Variants in ZNF624 observed in about 807,000 individuals in gnomAD.
ZNF624 encodes zinc finger protein 624.
A neutral mutation model predicts 74.7 loss-of-function variants in ZNF624; 43 were observed. That is an observed-to-expected ratio of 0.58 (90% CI 0.45 to 0.74). ZNF624 has a LOEUF of 0.74. Among genes scored for constraint, ZNF624 ranks in the 30% least tolerant of loss-of-function variants. The pLI is 0.00. For missense variants in ZNF624, 820 were observed against 1,030.0 expected (o/e 0.80, Z 2.79); for synonymous variants, 331 against 341.3 (o/e 0.97, Z 0.33).
At chr17:16,650,358 A>T (rs980058708) in intron 1 of ZNF624, among the ~76,000 whole-genome samples, 1 of 151,994 alleles carries the variant, frequency 6.6e-6, no homozygotes, top group East Asian at 1.9e-4. Context: ...CTGATATTCA[A>T]ATAGATCTTT....
At chr17:16,617,002 C>G, downstream of ZNF624, 2 of 1,607,226 alleles carry the variant, frequency 1.2e-6, no homozygotes, top group Non-Finnish European at 8.5e-7. Flanking sequence ...GCTCCTTGAT[C>G]TGGATTTTGA....
At chr17:16,638,209 AAAC>A (rs1218450219) in intron 3 of ZNF624, among the ~76,000 whole-genome samples, 2 of 152,190 alleles carry the variant, frequency 1.3e-5, no homozygotes, top group Non-Finnish European at 2.9e-5. Context: ...AAAAGTCAGG[AAAC>A]AACAGGTGCT....
chr17:16,617,906 G>C, downstream of ZNF624: 1 of 1,478,928 alleles, frequency 6.8e-7, no homozygotes, highest in Admixed American at 1.9e-5. Flanking sequence ...GGGGCCCAAG[G>C]GCTGGTTGTG....
At chr17:16,637,521 A>G (rs1909362570) in intron 3 of ZNF624, among the ~76,000 whole-genome samples, 1 of 152,200 alleles carries the variant, frequency 6.6e-6, no homozygotes. Context: ...AAACAGAGAT[A>G]TAGATCAATG....
At chr17:16,636,267 T>C (rs947459920) in intron 3 of ZNF624, among the ~76,000 whole-genome samples, 2 of 152,252 alleles carry the variant, frequency 1.3e-5, no homozygotes, top group African/African-American at 4.8e-5. Context: ...AATCAAACTT[T>C]TGTCCTTTCT....
At chr17:16,631,736 A>T (rs1909212722) in intron 5 of ZNF624, 2 of 152,260 alleles carry the variant, frequency 1.3e-5, no homozygotes, top group Admixed American at 1.3e-4. Flanking sequence ...GAAAAAAAAG[A>T]GTCAAGTAAG....
At chr17:16,643,293 G>A (rs146198650) in intron 3 of ZNF624, among the ~76,000 whole-genome samples, 115 of 152,200 alleles carry the variant, frequency 7.6e-4, no homozygotes, top group South Asian at 2.5e-3. Context: ...ACTGACAAAC[G>A]GATAAGTGAT....
At position 16,634,718 on chromosome 17, in the gene ZNF624, T is replaced by C. The variant is rs776268536; in HGVS notation, c.192A>G (p.Thr64=). 3 of 1,613,652 alleles carry C rather than the reference T, an allele frequency of 1.9e-6. No homozygotes were observed. Among genetic ancestry groups the C allele is most frequent in the African/African-American group, 2.7e-5 (2 of 74,908 alleles). The change falls in exon 4 of 6, where the codon ACA becomes ACG. Residue 64 remains threonine (T), a synonymous_variant. Transcript: ENST00000311331. ...GGTCCATCAACCTCCACTCCTCCAATGTGAAGTCTATAGCCACATCCTTAA... is the reference window on the plus strand; with the variant it reads ...GGTCCATCAACCTCCACTCCTCCAACGTGAAGTCTATAGCCACATCCTTAA... ...VTFKDVAIDF[T]LEEWRLMDPT... is the part of the protein sequence containing the mutation.
chr17:16,632,500 A>G (rs1909229938), intron 5 of ZNF624, among the ~76,000 whole-genome samples: 1 of 152,170 alleles, frequency 6.6e-6, no homozygotes, highest in African/African-American at 2.4e-5. Flanking sequence ...CCTCTCTAAA[A>G]AGTTATCTAA....
downstream of ZNF624, chr17:16,617,809 A>G: frequency 3.1e-6 from 5 of 1,612,022 alleles, no homozygotes; most frequent in Non-Finnish European, 4.2e-6. Flanking sequence ...AGGCGGCCAT[A>G]GCCACTGAAA....
At chr17:16,633,124 C>T (rs888387412) in intron 5 of ZNF624, among the ~76,000 whole-genome samples, 1 of 152,190 alleles carries the variant, frequency 6.6e-6, no homozygotes, top group African/African-American at 2.4e-5. Flanking sequence ...TCTTTCTTAT[C>T]CTCCAATTTA....
chr17:16,619,335 T>C (rs1908854472), downstream of ZNF624, among the ~76,000 whole-genome samples: 1 of 152,158 alleles, frequency 6.6e-6, no homozygotes, highest in South Asian at 2.1e-4. Context: ...AAAAAAGCAC[T>C]AATCATAAAG....
chr17:16,641,678 A>G (rs116341763), intron 3 of ZNF624, among the ~76,000 whole-genome samples: 4 of 152,382 alleles, frequency 2.6e-5, no homozygotes, highest in African/African-American at 9.6e-5. Context: ...AGGAAAGGAG[A>G]AAGCAAATTT....
rs190621834 is a variant in ZNF624 at position 16,636,612 on chromosome 17, G to A, written c.154-1856C>T. On this transcript the variant is annotated intron_variant, in intron 3 of 5. Coordinates refer to ENST00000311331, the MANE Select transcript of ZNF624 (RefSeq NM_020787.4). ...AGCACTTTAGGAGGCCAAGGCGGGCGGATCACGAGGTCAGGAGATCGAGAC... is the reference window on the plus strand; with the variant it reads ...AGCACTTTAGGAGGCCAAGGCGGGCAGATCACGAGGTCAGGAGATCGAGAC... Among the ~76,000 whole-genome samples, 689 of 152,212 alleles carry A rather than the reference G, an allele frequency of 4.5e-3. 4 individuals are homozygous for A. The highest frequency in any genetic ancestry group is 0.011 in the African/African-American group (460 of 41,528).
At chr17:16,618,572 A>G (rs1212731628), downstream of ZNF624, among the ~76,000 whole-genome samples, 1 of 152,214 alleles carries the variant, frequency 6.6e-6, no homozygotes, top group Non-Finnish European at 1.5e-5. Context: ...CAAGAACAAA[A>G]TTAGAAAACA....
chr17:16,615,838 T>C (rs1449936735), downstream of ZNF624, among the ~76,000 whole-genome samples: 1 of 151,634 alleles, frequency 6.6e-6, no homozygotes, highest in Non-Finnish European at 1.5e-5. Flanking sequence ...TAAAACTGAC[T>C]TTACCACAGA....
Position 16,634,718 on chromosome 17 carries a change from T to G in ZNF624, c.192A>C (p.Thr64=), listed in dbSNP as rs776268536. 5.3e-5 allele frequency: 85 copies of G among 1,613,652 alleles called. No individual in the cohort carries two copies. Among genetic ancestry groups the G allele is most frequent in the Non-Finnish European group, 7.2e-5 (85 of 1,179,724 alleles). ...GGTCCATCAACCTCCACTCCTCCAA[T>G]GTGAAGTCTATAGCCACATCCTTAA... is the stretch of plus-strand genomic sequence containing the variant. ...VTFKDVAIDF[T]LEEWRLMDPT... The change falls in exon 4 of 6, where the codon ACA becomes ACC. Residue 64 remains threonine (T), a synonymous_variant. Transcript: ENST00000311331.
rs746081914 is a variant in ZNF624, at chr17:16,623,317, T to C, written c.1569A>G (p.Thr523=). 1 of 1,613,582 alleles carries C rather than the reference T, an allele frequency of 6.2e-7. No homozygotes were observed. Among genetic ancestry groups the C allele is most frequent in the Middle Eastern group, 1.7e-4 (1 of 6,054 alleles). The part of the protein sequence containing the change: ...ANFTEHQRIH[T]GEKPYKCNEC... ...CATTACATTTATAGGGTTTTTCTCCTGTGTGAATTCGCTGATGTTCTGTGA... is the reference window on the plus strand; with the variant it reads ...CATTACATTTATAGGGTTTTTCTCCCGTGTGAATTCGCTGATGTTCTGTGA... Residue 523 remains threonine, a synonymous_variant, in exon 6 of 6, where the codon ACA becomes ACG. Coordinates refer to ENST00000311331, the MANE Select transcript of ZNF624 (RefSeq NM_020787.4). This position sits in a 1 kb window ranked among gnomAD's most constrained non-coding sequence, Gnocchi z 5.3.
chr17:16,624,349 T>C lies in ZNF624; in HGVS notation c.537A>G (p.Gln179=). 1 of 1,613,728 alleles carries C rather than the reference T, an allele frequency of 6.2e-7. No homozygotes were observed. Among genetic ancestry groups the C allele is most frequent in the South Asian group, 1.1e-5 (1 of 90,890 alleles). ...WKWNDRILRL[Q]NNQENHLSQR... ...GACTCAAATGATTCTCCTGATTATT[T>C]TGTAATCTCAATATCCTATCATTCC... The change falls in exon 6 of 6, where the codon CAA becomes CAG. Residue 179 remains glutamine, a synonymous_variant. Transcript: ENST00000311331.
Sources: allele counts gnomAD v4.1 joint callset (sites outside exome capture counted in the v4.1 genomes callset), GRCh38; gene constraint gnomAD v4.1.1; non-coding constraint Gnocchi (gnomAD v3.1); transcripts MANE v1.5; gene names NCBI Gene and HGNC (gene_info 2026-07-23, HGNC 2026-07-21).